The following LNPK variants were observed in gnomAD, a reference collection of about 807,000 sequenced individuals.
LNPK encodes endoplasmic reticulum junction formation protein lunapark.
In LNPK, 29 loss-of-function variants were observed where a neutral mutation model predicts 55.2. The ratio of observed to expected loss-of-function variants is 0.53; its 90% CI spans 0.39 to 0.72. The LOEUF is 0.72. Ranked by LOEUF, LNPK falls within the 30% of genes least tolerant of loss-of-function variation. The pLI is 0.00. For synonymous variants in LNPK, 162 were observed against 168.2 expected (o/e 0.96, Z 0.29); for missense variants, 467 against 494.8 (o/e 0.94, Z 0.53).
intron 6 of LNPK, among the ~76,000 whole-genome samples, chr2:175,970,157 C>T (rs1686586539): frequency 6.6e-6 from 1 of 152,136 alleles, no homozygotes; most frequent in Non-Finnish European, 1.5e-5. Context: ...TCACTTATTA[C>T]AGACTACTAT....
At chr2:175,957,106 C>T (rs916135171) in intron 8 of LNPK, among the ~76,000 whole-genome samples, 1 of 152,002 alleles carries the variant, frequency 6.6e-6, no homozygotes, top group Admixed American at 6.6e-5. Context: ...ACCTATAATC[C>T]CAAAACTTTG....
intron 2 of LNPK, 60 bp downstream of exon 2, chr2:175,995,498 A>G: frequency 7.4e-7 from 1 of 1,344,264 alleles, no homozygotes; most frequent in Non-Finnish European, 1.0e-6. Flanking sequence ...TTTCACAAAT[A>G]GCTTTATGTG....
At position 175,993,181 on chromosome 2, in the gene LNPK, C is replaced by G; in HGVS notation, c.69+1G>C. ...AAATACCTCACAGCCAAAGAACATACCTTATCTATACTTTCTAGAACTTCT... is the reference window on the plus strand; with the variant it reads ...AAATACCTCACAGCCAAAGAACATAGCTTATCTATACTTTCTAGAACTTCT... On this transcript the variant is annotated splice_donor_variant, in intron 3 of 12. Coordinates refer to ENST00000272748, the MANE Select transcript of LNPK (RefSeq NM_030650.3). LOFTEE classifies it high-confidence loss of function. 1 of 1,535,106 alleles carries G rather than the reference C, an allele frequency of 6.5e-7. No individual in the cohort carries two copies. The highest frequency in any genetic ancestry group is 8.9e-7 in the Non-Finnish European group (1 of 1,125,654).
In LNPK at chr2:175,926,606, A is replaced by G. The variant is rs1187956952; in HGVS notation, c.*3361T>C. 6.6e-6 allele frequency: 1 copy of G among 152,254 alleles called. No individual in the cohort carries two copies. The highest frequency in any genetic ancestry group is 2.4e-5 in the African/African-American group (1 of 41,468). The allele number at this position is 152,254 out of a possible 1,614,324, so 9.4% of individuals were successfully genotyped here. A position where few individuals can be genotyped will look rare whatever the true frequency, so the allele number is the denominator to read the frequency against. ...CTCTTCTAGTAGTCCAAAGATAAAA[A>G]TCTTCACAGGATTCTTGCCAAAGTA... On this transcript the variant is annotated 3_prime_UTR_variant, in exon 13 of 13. Coordinates refer to ENST00000272748, the MANE Select transcript of LNPK (RefSeq NM_030650.3).
intron 4 of LNPK, among the ~76,000 whole-genome samples, chr2:175,988,799 T>C (rs1324197836): frequency 6.6e-6 from 1 of 152,276 alleles, no homozygotes; most frequent in East Asian, 1.9e-4. Flanking sequence ...TTTGAGGTTA[T>C]TTTTGAGTCT....
chr2:175,992,265 C>G lies in LNPK; in HGVS notation c.223G>C (p.Ala75Pro). 6.4e-7 allele frequency: 1 copy of G among 1,561,960 alleles called. No individual in the cohort carries two copies. Among genetic ancestry groups the G allele is most frequent in the Non-Finnish European group, 8.6e-7 (1 of 1,163,342 alleles). The change falls in exon 4 of 13, where the codon GCC (alanine) becomes CCC (proline). Residue 75 changes from alanine to proline, a missense_variant. By Grantham distance (27) the Ala-to-Pro change is conservative. Transcript: ENST00000272748. ...YLPDEFTARL[A>P]MTLPFFAFPL... ...AAAGCAAAAAATGGGAGTGTCATGG[C>G]AAGTCTTGCTGTAAATTCATCAGGA...
chr2:175,999,385 G>T (rs1296698694), intron 1 of LNPK, among the ~76,000 whole-genome samples: 1 of 152,128 alleles, frequency 6.6e-6, no homozygotes, highest in Non-Finnish European at 1.5e-5. Flanking sequence ...TTCCTCATCT[G>T]TAAAAGAGGG....
rs539527443 is a variant in LNPK at position 175,973,628 on chromosome 2, C to A, written c.317-2824G>T. Among the ~76,000 whole-genome samples the A allele has an allele frequency of 3.3e-5, 5 of 152,298 alleles. No individual in the cohort carries two copies. The South Asian group carries it at 1.0e-3, about 32-fold the overall frequency. ...GTAAATTGCTGTTTTCTAAACTTCA[C>A]TGAAAATATTCTCACCTAAAGTTGT... On this transcript the variant is annotated intron_variant, in intron 5 of 12. Transcript: ENST00000272748.
At chr2:175,936,169 A>G (rs2105524760) in intron 12 of LNPK, among the ~76,000 whole-genome samples, 1 of 152,312 alleles carries the variant, frequency 6.6e-6, no homozygotes, top group Middle Eastern at 3.4e-3. Flanking sequence ...CTTGGAGAAG[A>G]TGAATGCATT....
In LNPK at chr2:175,951,584, C is replaced by CATATATAT. The variant is rs56037027; in HGVS notation, c.494-3900_494-3893dup. 3.8e-3 allele frequency among the ~76,000 whole-genome samples: 341 copies of CATATATAT among 90,676 alleles called. 25 individuals are homozygous for CATATATAT. Among genetic ancestry groups the CATATATAT allele is most frequent in the African/African-American group, 7.4e-3 (161 of 21,850 alleles). The allele number at this position is 90,676 out of a possible 152,430, so 59.5% of individuals were successfully genotyped here. On this transcript the variant is annotated intron_variant, in intron 8 of 12. Coordinates refer to ENST00000272748, the MANE Select transcript of LNPK (RefSeq NM_030650.3). ...TATGGCTGAGTAGTATTCCATCATT[C>CATATATAT]ATATATATATATATATATATATATA... is the stretch of plus-strand genomic sequence containing the variant.
At chr2:175,977,877 T>C (rs1238968584) in intron 5 of LNPK, among the ~76,000 whole-genome samples, 1 of 152,162 alleles carries the variant, frequency 6.6e-6, no homozygotes, top group Non-Finnish European at 1.5e-5. Context: ...GGCAGAATTA[T>C]ATGCCAATAG....
At chr2:175,980,117 A>C (rs995807163) in intron 4 of LNPK, among the ~76,000 whole-genome samples, 8 of 152,224 alleles carry the variant, frequency 5.3e-5, no homozygotes, top group East Asian at 1.9e-4. Flanking sequence ...CTTTGTGTGC[A>C]TAAGTGCATT....
At chr2:175,997,687 G>A (rs187526159) in intron 1 of LNPK, among the ~76,000 whole-genome samples, 3 of 136,578 alleles carry the variant, frequency 2.2e-5, no homozygotes, top group East Asian at 2.3e-4. Flanking sequence ...CATTTCTAGC[G>A]GCCCTAAAAC....
At chr2:175,945,510 G>GAAA (rs758611547) in intron 9 of LNPK, among the ~76,000 whole-genome samples, 7 of 105,116 alleles carry the variant, frequency 6.7e-5, no homozygotes, top group African/African-American at 7.0e-5. Context: ...TGTCTCAAAA[G>GAAA]AAAAAAAAAA....
At chr2:175,958,762 A>G (rs1396435169) in intron 8 of LNPK, among the ~76,000 whole-genome samples, 2 of 152,092 alleles carry the variant, frequency 1.3e-5, no homozygotes, top group Non-Finnish European at 1.5e-5. Context: ...GTCAGTAATA[A>G]CAAACTTCTC....
chr2:175,964,622 T>G (rs771859185), intron 6 of LNPK, 33 bp from the exon 7 acceptor site: 1 of 1,124,300 alleles, frequency 8.9e-7, no homozygotes, highest in Non-Finnish European at 1.4e-6. Flanking sequence ...ATTGTCACAC[T>G]TCAAAACACA....
At chr2:175,943,764 T>G (rs1237185675) in intron 9 of LNPK, among the ~76,000 whole-genome samples, 2 of 151,986 alleles carry the variant, frequency 1.3e-5, no homozygotes, top group East Asian at 3.9e-4. Flanking sequence ...TAAGAATAGG[T>G]GGGCACTTCA....
At chr2:175,985,748 A>C (rs1262575965) in intron 4 of LNPK, among the ~76,000 whole-genome samples, 2 of 152,220 alleles carry the variant, frequency 1.3e-5, no homozygotes, top group Non-Finnish European at 2.9e-5. Context: ...ATAGTAAGAG[A>C]TTAACAAAAA....
chr2:175,990,162 A>G (rs991336832), intron 4 of LNPK, among the ~76,000 whole-genome samples: 2 of 152,204 alleles, frequency 1.3e-5, no homozygotes, highest in Non-Finnish European at 2.9e-5. Context: ...TCATGTTGAA[A>G]TTTGTCCCCC....
Sources: gnomAD v4.1 joint callset for allele counts (sites outside exome capture counted in the v4.1 genomes callset) on GRCh38, gnomAD v4.1.1 for gene constraint, MANE v1.5 for transcripts, NCBI Gene and HGNC (gene_info 2026-07-23, HGNC 2026-07-21) for gene names.